Variants in PTPN3 observed in about 807,000 individuals in gnomAD.
PTPN3 encodes the protein tyrosine-protein phosphatase non-receptor type 3.
In PTPN3, 96 loss-of-function variants were observed where a neutral mutation model predicts 132.7. The ratio of observed to expected loss-of-function variants is 0.72; its 90% confidence interval spans 0.61 to 0.86. The LOEUF is 0.86. Among genes scored for constraint, PTPN3 ranks in the 40% least tolerant of loss-of-function variants. The pLI is 0.00. For missense variants in PTPN3, 1,125 were observed against 1,159.6 expected (o/e 0.97, Z 0.43); for synonymous variants, 398 against 429.0 (o/e 0.93, Z 0.89).
chr9:109,533,879 C>T, the PTPN3 span: 1 of 764,946 alleles, frequency 1.3e-6, no homozygotes. Flanking sequence ...AGGACCCCTA[C>T]GACGTGGATA....
the PTPN3 span, among the ~76,000 whole-genome samples, chr9:109,518,113 TCTCTCTAAGTAATCC>T: frequency 0.14 from 20,612 of 152,164 alleles, 1,584 homozygotes; most frequent in Middle Eastern, 0.24. Flanking sequence ...CCTGCTCAGG[TCTCTCTAAGTAATCC>T]CTTCATTACA....
At chr9:109,388,689 T>C (rs1318806665) in intron 22 of PTPN3, among the ~76,000 whole-genome samples, 1 of 152,142 alleles carries the variant, frequency 6.6e-6, no homozygotes, top group Non-Finnish European at 1.5e-5. Context: ...CAACCAACCC[T>C]TAGGGTTATC....
intron 19 of PTPN3, among the ~76,000 whole-genome samples, chr9:109,400,063 G>A (rs1278958501): frequency 5.9e-5 from 9 of 152,072 alleles, no homozygotes; most frequent in Admixed American, 2.6e-4. Context: ...GAGTAGCTGG[G>A]ACCACAGGTG....
intron 7 of PTPN3, among the ~76,000 whole-genome samples, chr9:109,440,561 C>T (rs1844388034): frequency 6.6e-6 from 1 of 152,212 alleles, no homozygotes; most frequent in African/African-American, 2.4e-5. Context: ...GGCCTGTGAG[C>T]CGCTGCTGGC....
At chr9:109,445,768 G>A (rs1223345338) in intron 6 of PTPN3, among the ~76,000 whole-genome samples, 1 of 152,150 alleles carries the variant, frequency 6.6e-6, no homozygotes, top group African/African-American at 2.4e-5. Flanking sequence ...CCTCTTAGGA[G>A]GGACAAGTAG....
At chr9:109,515,023 C>T in the PTPN3 span, among the ~76,000 whole-genome samples, 1 of 151,700 alleles carries the variant, frequency 6.6e-6, no homozygotes, top group Admixed American at 6.6e-5. Flanking sequence ...CTGGCAGATA[C>T]AAGAGGTTTT....
At chr9:109,531,807 G>T in the PTPN3 span, among the ~76,000 whole-genome samples, 3 of 151,928 alleles carry the variant, frequency 2.0e-5, no homozygotes, top group Non-Finnish European at 4.4e-5. Flanking sequence ...TCTCAGTCTG[G>T]CACATGGTAG....
chr9:109,449,123 AATGGGGTGGAAACAGCCCACCAAAG>A (rs1845065755), intron 5 of PTPN3: 1 of 1,263,258 alleles, frequency 7.9e-7, no homozygotes, highest in Non-Finnish European at 1.0e-6. Context: ...AGCAGGGATG[AATGGGGTGGAAACAGCCCACCAAAG>A]ATGGGCTGGT....
intron 14 of PTPN3, among the ~76,000 whole-genome samples, chr9:109,414,168 C>G (rs1842299812): frequency 6.6e-6 from 1 of 152,180 alleles, no homozygotes; most frequent in African/African-American, 2.4e-5. Flanking sequence ...GTGAGTTACT[C>G]TAAAAGAGCA....
rs531495960 is a variant in PTPN3, at chr9:109,479,702, C to T, written c.-17-16251G>A. ...TCAATGGATCTTCCCATCTCAGCTT[C>T]CCTAGTAGCTGGGACTACAAGTGTG... On this transcript the variant is annotated intron_variant, in intron 1 of 25. Coordinates refer to ENST00000374541, the MANE Select transcript of PTPN3 (RefSeq NM_002829.4). 2.0e-5 allele frequency among the ~76,000 whole-genome samples: 3 copies of T among 152,328 alleles called. No individual in the cohort carries two copies. The South Asian group carries it at 6.2e-4, about 32-fold the overall frequency.
the PTPN3 span, among the ~76,000 whole-genome samples, chr9:109,506,364 C>T: frequency 8.5e-5 from 13 of 152,314 alleles, no homozygotes; most frequent in Admixed American, 7.2e-4. Context: ...CATCCCCTCC[C>T]GAAGAGGAAC....
chr9:109,410,060 C>A lies in PTPN3; in HGVS notation c.1517G>T (p.Ser506Ile), dbSNP rs1382567071. 1 of 1,614,108 alleles carries A rather than the reference C, an allele frequency of 6.2e-7. No individual in the cohort carries two copies. Among genetic ancestry groups the A allele is most frequent in the Non-Finnish European group, 8.5e-7 (1 of 1,180,058 alleles). Residue 506 changes from serine (S) to isoleucine (I), a missense_variant, in exon 16 of 26, where the codon AGC becomes ATC. Ser to Ile is a moderately radical substitution (Grantham distance 142). Transcript: ENST00000374541. Reference sequence around the variant, plus strand: ...TGTGATACGGATCAAGACTAAGTAGCTGTCACCATTATCATTCTGGAAAAC... The same window carrying A: ...TGTGATACGGATCAAGACTAAGTAGATGTCACCATTATCATTCTGGAAAAC... ...YYCDKNDNGD[S>I]YLVLIRITPD...
chr9:109,523,907 C>T, the PTPN3 span, among the ~76,000 whole-genome samples: 1 of 152,030 alleles, frequency 6.6e-6, no homozygotes, highest in Non-Finnish European at 1.5e-5. Context: ...AATGACCTCC[C>T]TGGGATGTCA....
At chr9:109,382,559 A>G in intron 23 of PTPN3, 112 bp from the exon 24 acceptor site, 3 of 1,247,624 alleles carry the variant, frequency 2.4e-6, no homozygotes, top group Non-Finnish European at 3.4e-6. Context: ...CCCTCTGCGC[A>G]CAGCCCTGCT....
At position 109,410,315 on chromosome 9, in the gene PTPN3, CG is replaced by C. The variant is rs1841980530; in HGVS notation, c.1413del (p.Asp471GlufsTer8). On this transcript the variant is annotated frameshift_variant, in exon 15 of 26. Transcript: ENST00000374541. LOFTEE classifies it high-confidence loss of function. Reference protein sequence around the residue: ...SSNAPGSCSPDGVDQQLLDDF... With the variant: ...SSNAPGSCSPXGVDQQLLDDF... ...TCATCTAAGAGCTGCTGATCAACGC[CG>C]TCAGGTGAGCAGGAGCCTGGAGCAT... The C allele has an allele frequency of 6.2e-7, 1 of 1,613,988 alleles. No individual in the cohort carries two copies. The highest frequency in any genetic ancestry group is 8.5e-7 in the Non-Finnish European group (1 of 1,180,026).
chr9:109,431,935 A>G (rs935239153), intron 10 of PTPN3, among the ~76,000 whole-genome samples: 6 of 151,904 alleles, frequency 3.9e-5, no homozygotes, highest in Admixed American at 2.0e-4. Flanking sequence ...AATCAAAGAA[A>G]ATACACAGTA....
At chr9:109,395,217 T>G (rs1341164431) in intron 19 of PTPN3, among the ~76,000 whole-genome samples, 1 of 152,010 alleles carries the variant, frequency 6.6e-6, no homozygotes, top group African/African-American at 2.4e-5. Context: ...CTTTGGTTAT[T>G]TCTGAATTAT....
chr9:109,402,447 T>C (rs1352445187), intron 19 of PTPN3, among the ~76,000 whole-genome samples: 2 of 152,000 alleles, frequency 1.3e-5, no homozygotes, highest in African/African-American at 4.8e-5. Context: ...CCTGGCTGAT[T>C]TTTGTATTTT....
intron 1 of PTPN3, among the ~76,000 whole-genome samples, chr9:109,480,915 G>C (rs1846928602): frequency 6.6e-6 from 1 of 152,138 alleles, no homozygotes; most frequent in Non-Finnish European, 1.5e-5. Context: ...TGGATGGATG[G>C]ATGGATGGAT....
Sources: gnomAD v4.1 joint callset for allele counts (sites outside exome capture counted in the v4.1 genomes callset) on GRCh38, gnomAD v4.1.1 for gene constraint, MANE v1.5 for transcripts, NCBI Gene and HGNC (gene_info 2026-07-23, HGNC 2026-07-21) for gene names.